ARK2C: variants seen among roughly 807,000 people sequenced by gnomAD.
ARK2C encodes the protein E3 ubiquitin-protein ligase ARK2C.
the ARK2C span, among the ~76,000 whole-genome samples, chr18:46,414,053 A>G: frequency 2.6e-5 from 4 of 152,090 alleles, no homozygotes; most frequent in Non-Finnish European, 5.9e-5. Context: ...GTGCTCTACA[A>G]TTTTCAAGGC....
At chr18:46,402,477 G>A in the ARK2C span, among the ~76,000 whole-genome samples, 1 of 152,108 alleles carries the variant, frequency 6.6e-6, no homozygotes, top group African/African-American at 2.4e-5. Flanking sequence ...ATTGTTTCTT[G>A]TGTAAAATTC....
chr18:46,413,222 G>A, the ARK2C span, among the ~76,000 whole-genome samples: 4 of 152,086 alleles, frequency 2.6e-5, no homozygotes, highest in South Asian at 2.1e-4. Context: ...GCCCCGACCC[G>A]TTCCAAGGGT....
the ARK2C span, among the ~76,000 whole-genome samples, chr18:46,373,116 T>C: frequency 0.12 from 17,925 of 152,232 alleles, 1,355 homozygotes; most frequent in South Asian, 0.21. Flanking sequence ...AATAGAGGGC[T>C]CTCTCATCCC....
chr18:46,453,131 C>T, the ARK2C span, among the ~76,000 whole-genome samples: 1 of 152,186 alleles, frequency 6.6e-6, no homozygotes, highest in African/African-American at 2.4e-5. Flanking sequence ...CCTCTCAAGG[C>T]ACTGGATTTA....
At chr18:46,453,749 G>C in the ARK2C span, among the ~76,000 whole-genome samples, 2 of 151,740 alleles carry the variant, frequency 1.3e-5, no homozygotes, top group Non-Finnish European at 2.9e-5. Flanking sequence ...AGAAAATACT[G>C]AGTCAAAATA....
chr18:46,433,106 A>G, the ARK2C span: 2 of 1,045,938 alleles, frequency 1.9e-6, no homozygotes, highest in Non-Finnish European at 2.7e-6. Context: ...CACCAGCCCC[A>G]GGCTGCCCCG....
chr18:46,443,500 T>G, the ARK2C span, among the ~76,000 whole-genome samples: 1 of 152,236 alleles, frequency 6.6e-6, no homozygotes. Flanking sequence ...GTATGTACAA[T>G]TACCAAAATA....
the ARK2C span, among the ~76,000 whole-genome samples, chr18:46,353,558 G>A: frequency 3.9e-5 from 6 of 152,148 alleles, no homozygotes; most frequent in Admixed American, 3.3e-4. Context: ...CACTGGTAAG[G>A]GATGTTACCT....
the ARK2C span, among the ~76,000 whole-genome samples, chr18:46,427,642 G>GC: frequency 0.017 from 2,563 of 152,306 alleles, 48 homozygotes; most frequent in African/African-American, 0.05. Flanking sequence ...CCTCAAACCC[G>GC]CAGCCCCTTC....
the ARK2C span, among the ~76,000 whole-genome samples, chr18:46,342,405 C>T: frequency 4.6e-5 from 7 of 152,336 alleles, no homozygotes; most frequent in African/African-American, 1.7e-4. Context: ...AAGGATCTTT[C>T]CAGCTAATGG....
At chr18:46,419,148 C>T in the ARK2C span, among the ~76,000 whole-genome samples, 1 of 152,170 alleles carries the variant, frequency 6.6e-6, no homozygotes, top group Non-Finnish European at 1.5e-5. Context: ...CCTTGGGTGG[C>T]CTGTTGCTGG....
the ARK2C span, chr18:46,455,968 T>G: frequency 6.3e-7 from 1 of 1,595,840 alleles, no homozygotes; most frequent in Non-Finnish European, 8.6e-7. Context: ...TCTCTGCTTC[T>G]CATAGCGAAG....
the ARK2C span, among the ~76,000 whole-genome samples, chr18:46,445,934 G>A: frequency 4.7e-5 from 7 of 150,098 alleles, no homozygotes; most frequent in African/African-American, 1.7e-4. Flanking sequence ...ATTTGTTGAA[G>A]AATCCAGGCT....
the ARK2C span, among the ~76,000 whole-genome samples, chr18:46,366,378 AC>A: frequency 2.0e-5 from 3 of 151,500 alleles, no homozygotes; most frequent in African/African-American, 7.3e-5. Flanking sequence ...TTAGGGAGAG[AC>A]AGCTGGGAAC....
At chr18:46,406,242 C>T in the ARK2C span, among the ~76,000 whole-genome samples, 8,054 of 152,264 alleles carry the variant, frequency 0.053, 758 homozygotes, top group East Asian at 0.39. Flanking sequence ...TTGAACCCCC[C>T]TCTCAACCTC....
chr18:46,352,288 AC>A, the ARK2C span, among the ~76,000 whole-genome samples: 2 of 124,408 alleles, frequency 1.6e-5, no homozygotes, highest in Non-Finnish European at 3.6e-5. Flanking sequence ...CTCTTTCCCC[AC>A]CTAGAATCTA....
the ARK2C span, among the ~76,000 whole-genome samples, chr18:46,379,437 C>T: frequency 6.1e-4 from 93 of 152,304 alleles, no homozygotes; most frequent in African/African-American, 2.1e-3. Flanking sequence ...CCCTCACACC[C>T]ACCTTCCCTC....
At chr18:46,425,050 G>C in the ARK2C span, among the ~76,000 whole-genome samples, 5 of 152,214 alleles carry the variant, frequency 3.3e-5, 1 homozygote, top group Admixed American at 6.5e-5. Flanking sequence ...TTTGGAGAGG[G>C]AGTCTCGGGC....
the ARK2C span, among the ~76,000 whole-genome samples, chr18:46,411,055 G>C: frequency 6.6e-6 from 1 of 152,224 alleles, no homozygotes; most frequent in African/African-American, 2.4e-5. Context: ...TCATAGACAA[G>C]GCAGGTAAGA....
Sources: allele counts gnomAD v4.1 joint callset (sites outside exome capture counted in the v4.1 genomes callset), GRCh38; gene constraint gnomAD v4.1.1; transcripts MANE v1.5; gene names NCBI Gene and HGNC (gene_info 2026-07-23, HGNC 2026-07-21).